ZP3: variants seen among roughly 807,000 people sequenced by gnomAD.
ZP3 encodes the protein zona pellucida sperm-binding protein 3.
ZP3 carries 21 observed loss-of-function variants against 35.6 expected under a neutral mutation model. The ratio of observed to expected loss-of-function variants is 0.59; its 90% CI spans 0.42 to 0.85. ZP3 has a LOEUF of 0.85. Ranked by LOEUF, ZP3 falls within the 40% of genes least tolerant of loss-of-function variation. ZP3 has a pLI of 0.00. For synonymous variants in ZP3, 207 were observed against 214.5 expected (o/e 0.96, Z 0.31); for missense variants, 437 against 536.5 (o/e 0.81, Z 1.83).
At chr7:76,408,984 A>G (rs562207749) in intron 1 of ZP3, among the ~76,000 whole-genome samples, 61 of 152,258 alleles carry the variant, frequency 4.0e-4, no homozygotes, top group African/African-American at 1.3e-3. Flanking sequence ...GGCTTTCGTG[A>G]TCCACTTACC....
intron 1 of ZP3, among the ~76,000 whole-genome samples, chr7:76,413,390 G>A (rs115914679): frequency 1.1e-3 from 174 of 152,070 alleles, no homozygotes; most frequent in Non-Finnish European, 1.9e-3. Context: ...AGCTTCCTGC[G>A]TAGCTGGGAC....
chr7:76,425,865 G>GT (rs1255249560), intron 1 of ZP3, among the ~76,000 whole-genome samples: 1 of 151,952 alleles, frequency 6.6e-6, no homozygotes, highest in Non-Finnish European at 1.5e-5. Flanking sequence ...CAGCACTTTG[G>GT]GAGGCTGAGG....
At chr7:76,423,055 GAAAGAAAGAAAGAAAGAAAGAAAGAAAGA>G (rs1805557238), upstream of ZP3, among the ~76,000 whole-genome samples, 1 of 135,908 alleles carries the variant, frequency 7.4e-6, no homozygotes, top group African/African-American at 3.4e-5. Context: ...AAGAAAGAAA[GAAAGAAAGAAAGAAAGAAAGAAAGAAAGA>G]AAAGAAATTG....
intron 5 of ZP3, among the ~76,000 whole-genome samples, chr7:76,437,368 G>A (rs1366402360): frequency 2.0e-5 from 3 of 151,910 alleles, no homozygotes; most frequent in South Asian, 2.1e-4. Context: ...TAGAGATGGG[G>A]TTTCACTATG....
chr7:76,427,731 G>A (rs1046437669), intron 1 of ZP3, among the ~76,000 whole-genome samples: 1 of 152,136 alleles, frequency 6.6e-6, no homozygotes, highest in South Asian at 2.1e-4. Flanking sequence ...TTTGGTCAGG[G>A]CCAGGCAGCC....
intron 1 of ZP3, among the ~76,000 whole-genome samples, chr7:76,416,333 G>A (rs555928363): frequency 2.2e-4 from 33 of 152,194 alleles, no homozygotes; most frequent in African/African-American, 7.7e-4. Flanking sequence ...GGAGGCTGAG[G>A]TGGGGGCATT....
chr7:76,404,574 TTGCA>T, intron 1 of ZP3: 1 of 1,369,570 alleles, frequency 7.3e-7, no homozygotes, highest in Non-Finnish European at 1.0e-6. Context: ...GGAGGATTGC[TTGCA>T]CCCAGGGGTT....
intron 1 of ZP3, 54 bp downstream of exon 1, chr7:76,425,330 G>C: frequency 1.9e-6 from 3 of 1,538,746 alleles, no homozygotes; most frequent in Non-Finnish European, 2.6e-6. Context: ...AGGCAGCCGG[G>C]TATGGGGACT....
At chr7:76,432,873 G>C (rs879020708) in intron 2 of ZP3, 54 bp from the exon 3 acceptor site, 17 of 1,486,398 alleles carry the variant, frequency 1.1e-5, no homozygotes, top group Non-Finnish European at 1.6e-5. Context: ...ATCAGTGGGG[G>C]CCCAGGTGGG....
chr7:76,416,945 C>CATATATATATATATATATAT (rs35169816), intron 1 of ZP3, among the ~76,000 whole-genome samples: 1 of 73,252 alleles, frequency 1.4e-5, no homozygotes, highest in Non-Finnish European at 2.8e-5. Context: ...TGTATACATA[C>CATATATATATATATATATAT]ATATATATAT....
intron 1 of ZP3, among the ~76,000 whole-genome samples, chr7:76,414,996 T>TGA (rs1805336149): frequency 6.7e-6 from 1 of 150,272 alleles, no homozygotes; most frequent in East Asian, 2.0e-4. Flanking sequence ...TTCTCACTAA[T>TGA]GTCCTTTTTC....
At position 76,425,008 on chromosome 7, in the gene ZP3, G is replaced by A. The variant is rs749594370; in HGVS notation, c.44G>A (p.Gly15Asp). ...YRLFICLLLWGSTELCYPQPL... is the reference protein window; with the variant it reads ...YRLFICLLLWDSTELCYPQPL... ...CTCTTCATCTGCCTCCTGCTCTGGG[G>A]TAGTACTGAGCTGTGCTACCCCCAA... The change falls in exon 1 of 8, where the codon GGT becomes GAT. Residue 15 changes from glycine (G) to aspartate (D), a missense_variant. By Grantham distance (94) the Gly-to-Asp change is moderately conservative. Coordinates refer to ENST00000394857, the MANE Select transcript of ZP3 (RefSeq NM_001110354.2). The A allele has an allele frequency of 2.0e-5, 31 of 1,570,454 alleles. 1 individual carries two copies. The South Asian group carries it at 2.8e-4, about 14-fold the overall frequency.
At chr7:76,437,511 G>GT (rs1806058021) in intron 5 of ZP3, among the ~76,000 whole-genome samples, 1 of 146,644 alleles carries the variant, frequency 6.8e-6, no homozygotes, top group Non-Finnish European at 1.5e-5. Flanking sequence ...GGGAAATGGA[G>GT]TGTCACTCTT....
chr7:76,400,681 T>A, intron 1 of ZP3: 1 of 1,334,790 alleles, frequency 7.5e-7, no homozygotes, highest in Non-Finnish European at 9.8e-7. Context: ...TTATTATTAT[T>A]TTTTTTGGTA....
chr7:76,423,025 G>GAGAGAGAGAGAGAGAA (rs1278384225), upstream of ZP3, among the ~76,000 whole-genome samples: 47 of 75,832 alleles, frequency 6.2e-4, no homozygotes, highest in Non-Finnish European at 9.5e-4. Flanking sequence ...GAGAGAGAGA[G>GAGAGAGAGAGAGAGAA]AGAAAGAAAG....
intron 1 of ZP3, chr7:76,400,257 G>C: frequency 7.0e-7 from 1 of 1,435,536 alleles, no homozygotes; most frequent in South Asian, 1.6e-5. Context: ...CAGTCTGTCT[G>C]TCCCTCCAGG....
At chr7:76,424,465 C>G (rs1360987662), upstream of ZP3, among the ~76,000 whole-genome samples, 1 of 152,054 alleles carries the variant, frequency 6.6e-6, no homozygotes, top group Non-Finnish European at 1.5e-5. Context: ...CCTGTCTCTA[C>G]CAAAAATACA....
In ZP3 at chr7:76,399,097, C is replaced by T. The variant is rs143196427; in HGVS notation, c.-67+1300C>T. ...TGCAATCTCAGCTTGCTGCAACCTC[C>T]GCCTCCCTGGTTAAAGCAATTTGCC... is the stretch of plus-strand genomic sequence containing the variant. On this transcript the variant is annotated intron_variant, in intron 1 of 8. Transcript: ENST00000336517. Among the ~76,000 whole-genome samples the T allele has an allele frequency of 3.0e-3, 461 of 152,138 alleles. 3 individuals carry two copies. Among genetic ancestry groups the T allele is most frequent in the African/African-American group, 0.01 (435 of 41,516 alleles).
At chr7:76,429,819 A>C (rs1303401008) in intron 2 of ZP3, among the ~76,000 whole-genome samples, 186 bp downstream of exon 2, 1 of 152,132 alleles carries the variant, frequency 6.6e-6, no homozygotes, top group Non-Finnish European at 1.5e-5. Flanking sequence ...CGAGCCCCAG[A>C]AGAGTATCAG....
Sources: allele counts gnomAD v4.1 joint callset (sites outside exome capture counted in the v4.1 genomes callset), GRCh38; gene constraint gnomAD v4.1.1; transcripts MANE v1.5; gene names NCBI Gene and HGNC (gene_info 2026-07-23, HGNC 2026-07-21).